The following KCNH8 variants were observed in gnomAD, a reference collection of about 807,000 sequenced individuals.
KCNH8 encodes the protein voltage-gated delayed rectifier potassium channel KCNH8.
Under a neutral mutation model 103.6 loss-of-function variants are expected in KCNH8, and 70 were observed. That is an observed-to-expected ratio of 0.68 (90% CI 0.56 to 0.82). KCNH8 has a LOEUF of 0.82. Among genes scored for constraint, KCNH8 ranks in the 40% least tolerant of loss-of-function variants. KCNH8 has a pLI of 0.00. For synonymous variants in KCNH8, 498 were observed against 489.4 expected, an observed-to-expected ratio of 1.02 and a Z score of -0.23; for missense variants, 1,217 against 1,329.9, an observed-to-expected ratio of 0.92 and a Z score of 1.32.
At chr3:19,246,280 T>TTTTTTTTTTTTTTTTTTTG (rs2064205159) in intron 1 of KCNH8, among the ~76,000 whole-genome samples, 1 of 141,664 alleles carries the variant, frequency 7.1e-6, no homozygotes, top group Non-Finnish European at 1.5e-5. Flanking sequence ...TGTTGTTTTT[T>TTTTTTTTTTTTTTTTTTTG]TTTTTTTTTT....
chr3:19,448,595 G>A (rs1053168842), intron 8 of KCNH8, among the ~76,000 whole-genome samples: 3 of 151,952 alleles, frequency 2.0e-5, no homozygotes, highest in Admixed American at 1.3e-4. Context: ...GAATTGGGGA[G>A]GTCCTGAAAT....
chr3:19,513,556 ACTC>A (rs1432997194), intron 13 of KCNH8, among the ~76,000 whole-genome samples: 1 of 151,730 alleles, frequency 6.6e-6, no homozygotes, highest in East Asian at 2.0e-4. Context: ...ATCCTTCTTT[ACTC>A]CTTTTATTCA....
At chr3:19,281,528 A>C (rs79581308) in intron 3 of KCNH8, among the ~76,000 whole-genome samples, 199 bp downstream of exon 3, 17,688 of 152,070 alleles carry the variant, frequency 0.12, 3,222 homozygotes, top group African/African-American at 0.39. Context: ...TAATAAAGAC[A>C]CACTTGACAG....
intron 11 of KCNH8, among the ~76,000 whole-genome samples, chr3:19,460,548 A>G (rs2067607141): frequency 6.6e-6 from 1 of 152,090 alleles, no homozygotes. Flanking sequence ...GTCCTTTCTC[A>G]TCTCTTCTAT....
chr3:19,503,667 C>T (rs187613055), intron 11 of KCNH8, among the ~76,000 whole-genome samples: 4,555 of 151,570 alleles, frequency 0.03, 106 homozygotes, highest in Non-Finnish European at 0.046. Context: ...TCTCAGTAAA[C>T]TATCTCAAGA....
chr3:19,486,572 T>G (rs1456194473), intron 11 of KCNH8, among the ~76,000 whole-genome samples: 2 of 151,980 alleles, frequency 1.3e-5, no homozygotes, highest in Non-Finnish European at 3.0e-5. Flanking sequence ...CGGTTAAAAC[T>G]GTAACTGCCA....
intron 1 of KCNH8, among the ~76,000 whole-genome samples, chr3:19,187,225 A>G (rs568446329): frequency 6.6e-6 from 1 of 152,114 alleles, no homozygotes; most frequent in Non-Finnish European, 1.5e-5. Flanking sequence ...CATAACTAAA[A>G]TCAGCACAGA....
intron 5 of KCNH8, among the ~76,000 whole-genome samples, chr3:19,351,213 C>T (rs999992993): frequency 1.3e-5 from 2 of 152,076 alleles, no homozygotes; most frequent in East Asian, 3.9e-4. Context: ...TGAACAAAGC[C>T]TCCAAGAAAC....
intron 7 of KCNH8, among the ~76,000 whole-genome samples, chr3:19,410,073 C>T (rs2066754037): frequency 1.3e-5 from 2 of 152,076 alleles, no homozygotes; most frequent in Admixed American, 6.6e-5. Flanking sequence ...AATATATGCT[C>T]TTCTCATCTG....
intron 1 of KCNH8, among the ~76,000 whole-genome samples, chr3:19,197,937 G>T (rs1488979789): frequency 2.2e-4 from 34 of 151,970 alleles, no homozygotes; most frequent in Non-Finnish European, 4.4e-5. Context: ...GGGTAAAGAG[G>T]AGCTATTGAC....
At chr3:19,317,356 A>C in intron 3 of KCNH8, among the ~76,000 whole-genome samples, 1 of 151,930 alleles carries the variant, frequency 6.6e-6, no homozygotes, top group African/African-American at 2.4e-5. Context: ...AACATGGACC[A>C]ATTTTATATA....
intron 15 of KCNH8, 69 bp downstream of exon 15, chr3:19,518,143 G>C: frequency 8.0e-7 from 1 of 1,249,282 alleles, no homozygotes; most frequent in Non-Finnish European, 1.2e-6. Context: ...ACTCGCAGAA[G>C]CAGTGTAATA....
At chr3:19,291,620 A>C (rs911770509) in intron 3 of KCNH8, among the ~76,000 whole-genome samples, 1 of 152,086 alleles carries the variant, frequency 6.6e-6, no homozygotes, top group Non-Finnish European at 1.5e-5. Flanking sequence ...AGTTTGTTAT[A>C]ATTTCTGTTC....
chr3:19,523,229 C>A (rs1329353451), intron 15 of KCNH8, among the ~76,000 whole-genome samples: 1 of 151,832 alleles, frequency 6.6e-6, no homozygotes, highest in Non-Finnish European at 1.5e-5. Context: ...GATAATAGGT[C>A]AGTCATGTCC....
intron 4 of KCNH8, among the ~76,000 whole-genome samples, chr3:19,344,030 G>C (rs1182604480): frequency 6.6e-6 from 1 of 151,242 alleles, no homozygotes; most frequent in East Asian, 2.0e-4. Flanking sequence ...TTTCTCTAGG[G>C]ATACCTGTGC....
chr3:19,261,132 G>A (rs989595242), intron 2 of KCNH8, among the ~76,000 whole-genome samples: 1 of 151,234 alleles, frequency 6.6e-6, no homozygotes, highest in African/African-American at 2.4e-5. Context: ...AGATTTCTGG[G>A]TCATATGGTA....
At chr3:19,286,241 A>G (rs2064830652) in intron 3 of KCNH8, among the ~76,000 whole-genome samples, 1 of 152,210 alleles carries the variant, frequency 6.6e-6, no homozygotes, top group African/African-American at 2.4e-5. Context: ...GTATATATTG[A>G]AGCCTTAACC....
At chr3:19,179,517 G>A (rs1288358228) in intron 1 of KCNH8, among the ~76,000 whole-genome samples, 1 of 152,112 alleles carries the variant, frequency 6.6e-6, no homozygotes, top group Non-Finnish European at 1.5e-5. Flanking sequence ...CATCTCAGGG[G>A]CTTGAAAGAT....
intron 8 of KCNH8, 114 bp from the exon 9 acceptor site, chr3:19,449,992 C>G: frequency 1.3e-6 from 1 of 796,554 alleles, no homozygotes; most frequent in East Asian, 2.7e-5. Flanking sequence ...ATCAACATGG[C>G]CATGTAACCA....
Sources: allele counts gnomAD v4.1 joint callset (sites outside exome capture counted in the v4.1 genomes callset), GRCh38; gene constraint gnomAD v4.1.1; transcripts MANE v1.5; gene names NCBI Gene and HGNC (gene_info 2026-07-23, HGNC 2026-07-21).